Variants in TMEM131 observed in about 807,000 individuals in gnomAD.
TMEM131 encodes the protein 2610524E03Rik.
A neutral mutation model predicts 211.6 loss-of-function variants in TMEM131; 66 were observed. That is an observed-to-expected ratio of 0.31 (90% confidence interval 0.26 to 0.38). The LOEUF (loss-of-function observed/expected upper bound fraction) is 0.38. Among genes scored for constraint, TMEM131 ranks in the 10% least tolerant of loss-of-function variants. The pLI is 1.00. For synonymous variants in TMEM131, 844 were observed against 841.3 expected (o/e 1.00, Z -0.06); for missense variants, 2,036 against 2,299.3 (o/e 0.89, Z 2.34).
intron 40 of TMEM131, among the ~76,000 whole-genome samples, 172 bp from the exon 41 acceptor site, chr2:97,757,555 A>C (rs1409468205): frequency 2.0e-5 from 3 of 152,144 alleles, no homozygotes; most frequent in Admixed American, 2.0e-4. Context: ...GATTTTTTTG[A>C]GACAGGGTCT....
chr2:97,774,183 A>T (rs923397846), intron 32 of TMEM131, among the ~76,000 whole-genome samples: 1 of 152,236 alleles, frequency 6.6e-6, no homozygotes, highest in Admixed American at 6.5e-5. Context: ...TTATTCATGA[A>T]GTCTTTCTTG....
At chr2:97,884,268 C>G (rs1675050202) in intron 4 of TMEM131, among the ~76,000 whole-genome samples, 1 of 152,038 alleles carries the variant, frequency 6.6e-6, no homozygotes, top group Admixed American at 6.6e-5. Context: ...TTTTAAATTC[C>G]ATTGTGGTCA....
intron 1 of TMEM131, among the ~76,000 whole-genome samples, chr2:97,948,636 A>G (rs2104522367): frequency 6.6e-6 from 1 of 151,620 alleles, no homozygotes; most frequent in African/African-American, 2.4e-5. Flanking sequence ...CACTTTGGAT[A>G]ACATGTCAGT....
At chr2:97,953,514 AAAC>A (rs1413531018) in intron 1 of TMEM131, among the ~76,000 whole-genome samples, 2 of 152,226 alleles carry the variant, frequency 1.3e-5, no homozygotes, top group African/African-American at 4.8e-5. Flanking sequence ...TAAATGCACC[AAAC>A]AACAGAGTTG....
chr2:97,976,880 A>G lies in TMEM131; in HGVS notation c.187+18596T>C, dbSNP rs1679558948. On this transcript the variant is annotated intron_variant, in intron 1 of 40. Transcript: ENST00000186436. ...ATGCAATTGCTTTTCAACAAGTACA[A>G]GCACAATACAGTGGGAAAAGGGTAG... 1.3e-5 allele frequency among the ~76,000 whole-genome samples: 2 copies of G among 151,932 alleles called. 1 individual carries two copies. The highest frequency in any genetic ancestry group is 1.3e-4 in the Admixed American group (2 of 15,246).
intron 11 of TMEM131, among the ~76,000 whole-genome samples, chr2:97,831,138 C>T (rs566491884): frequency 6.6e-6 from 1 of 152,324 alleles, no homozygotes; most frequent in Admixed American, 6.5e-5. Context: ...TAAATCAGAT[C>T]CCAAGTGGTC....
At chr2:97,873,005 C>T (rs1019570103) in intron 4 of TMEM131, among the ~76,000 whole-genome samples, 2 of 152,348 alleles carry the variant, frequency 1.3e-5, no homozygotes, top group Admixed American at 6.5e-5. Context: ...TTGAAGTTCT[C>T]GCTGCCAGCA....
At chr2:97,813,614 C>T (rs1048873787) in intron 15 of TMEM131, among the ~76,000 whole-genome samples, 4 of 152,196 alleles carry the variant, frequency 2.6e-5, no homozygotes, top group Admixed American at 2.0e-4. Context: ...CTCTTCCCTA[C>T]GTATATCCCT....
rs761612418 is a variant in TMEM131, at chr2:97,759,716, G to A, written c.5142C>T (p.Ser1714=). The A allele has an allele frequency of 1.1e-5, 18 of 1,613,468 alleles. No individual in the cohort carries two copies. The South Asian group carries it at 1.6e-4, about 15-fold the overall frequency. ...AATTGAGGGGAGTGAAGTCAGGGCT[G>A]CTTGGGTTGCTGACGGGACTCCACA... ...SGLWSPVSNP[S]SPDFTPLNSF... The change falls in exon 39 of 41, where the codon AGC becomes AGT. Residue 1714 remains serine (S), a synonymous_variant. Coordinates refer to ENST00000186436, the MANE Select transcript of TMEM131 (RefSeq NM_015348.2).
intron 4 of TMEM131, among the ~76,000 whole-genome samples, chr2:97,877,352 C>T (rs978880001): frequency 2.0e-5 from 3 of 152,216 alleles, no homozygotes; most frequent in African/African-American, 7.2e-5. Flanking sequence ...TTGGAAAAAA[C>T]TACTTTAAAC....
chr2:97,994,127 A>C (rs1680380613), intron 1 of TMEM131, among the ~76,000 whole-genome samples: 1 of 152,200 alleles, frequency 6.6e-6, no homozygotes, highest in Non-Finnish European at 1.5e-5. Context: ...TTTTGGGTTC[A>C]CTGAACACCC....
At chr2:97,954,995 T>C (rs1217911340) in intron 1 of TMEM131, among the ~76,000 whole-genome samples, 1 of 152,104 alleles carries the variant, frequency 6.6e-6, no homozygotes, top group African/African-American at 2.4e-5. Flanking sequence ...TGTATTACTC[T>C]TGACATCAAA....
intron 31 of TMEM131, among the ~76,000 whole-genome samples, chr2:97,786,751 C>T (rs909089637): frequency 5.9e-5 from 9 of 152,164 alleles, no homozygotes; most frequent in Non-Finnish European, 1.3e-4. Flanking sequence ...GAGGAGCTCT[C>T]ATTCAATGTG....
At chr2:97,903,791 C>T (rs914324332) in intron 3 of TMEM131, among the ~76,000 whole-genome samples, 1 of 152,118 alleles carries the variant, frequency 6.6e-6, no homozygotes, top group African/African-American at 2.4e-5. Context: ...TCAAGCAATT[C>T]TCCTGTCACA....
At chr2:97,800,675 C>T (rs1680988634) in intron 25 of TMEM131, among the ~76,000 whole-genome samples, 1 of 150,942 alleles carries the variant, frequency 6.6e-6, no homozygotes, top group South Asian at 2.1e-4. Context: ...GAGAATTGCA[C>T]AAACCCGGGC....
chr2:97,988,738 T>C (rs1224057763), intron 1 of TMEM131, among the ~76,000 whole-genome samples: 2 of 152,138 alleles, frequency 1.3e-5, no homozygotes, highest in Non-Finnish European at 2.9e-5. Flanking sequence ...CTCACACCAC[T>C]ATCAAAACAA....
rs546218551 is a variant in TMEM131 at position 97,825,070 on chromosome 2, CT to C, written c.1075-6350del. Among the ~76,000 whole-genome samples, 948 of 152,300 alleles carry C rather than the reference CT, an allele frequency of 6.2e-3. 14 individuals are homozygous for C. The highest frequency in any genetic ancestry group is 0.02 in the African/African-American group (826 of 41,554). Reference sequence around the variant, plus strand: ...CCCTGCACTCTGACTCCCAGTTTCTCTTTGTCTTTGAGGATCCCACAGACCA... The same window carrying C: ...CCCTGCACTCTGACTCCCAGTTTCTCTTGTCTTTGAGGATCCCACAGACCA... On this transcript the variant is annotated intron_variant, in intron 11 of 40. Coordinates refer to ENST00000186436, the MANE Select transcript of TMEM131 (RefSeq NM_015348.2).
intron 30 of TMEM131, 188 bp from the exon 31 acceptor site, chr2:97,793,172 A>G (rs1680586506): frequency 1.6e-6 from 1 of 639,360 alleles, no homozygotes; most frequent in Non-Finnish European, 2.6e-6. Context: ...ATTTACCATC[A>G]GTGATCTAAC....
chr2:97,847,113 C>T (rs890243638), intron 5 of TMEM131, among the ~76,000 whole-genome samples: 12 of 125,944 alleles, frequency 9.5e-5, no homozygotes, highest in East Asian at 4.2e-4. Context: ...CGCTTGAACC[C>T]GGGAGACAGA....
Sources: allele counts gnomAD v4.1 joint callset (sites outside exome capture counted in the v4.1 genomes callset), GRCh38; gene constraint gnomAD v4.1.1; transcripts MANE v1.5; gene names NCBI Gene and HGNC (gene_info 2026-07-23, HGNC 2026-07-21).